Variants in PHLDB2 observed in about 807,000 individuals in gnomAD.
PHLDB2 encodes pleckstrin homology like domain family B member 2, also known as pleckstrin homology-like domain family B member 2.
A neutral mutation model predicts 123.6 loss-of-function variants in PHLDB2; 71 were observed. The observed-to-expected ratio is 0.57, with a 90% CI of 0.47 to 0.70. PHLDB2 has a LOEUF of 0.70. PHLDB2 is among the 30% of genes least tolerant of loss of function. PHLDB2 has a pLI of 0.00. For missense variants in PHLDB2, 1,446 were observed against 1,519.5 expected (o/e 0.95, Z 0.80); for synonymous variants, 547 against 541.6 (o/e 1.01, Z -0.14).
chr3:111,795,694 A>C (rs1052706278), intron 1 of PHLDB2, among the ~76,000 whole-genome samples: 14 of 152,062 alleles, frequency 9.2e-5, no homozygotes, highest in Non-Finnish European at 1.9e-4. Context: ...CAGTTTACCT[A>C]GTTTTCATAA....
intron 1 of PHLDB2, among the ~76,000 whole-genome samples, chr3:111,794,473 G>A (rs569260415): frequency 1.3e-5 from 2 of 152,156 alleles, no homozygotes; most frequent in Admixed American, 6.5e-5. Flanking sequence ...TCACTCACCT[G>A]ATTTTGGGGT....
chr3:111,958,668 C>T (rs1304338133), intron 12 of PHLDB2: 1 of 454,418 alleles, frequency 2.2e-6, no homozygotes, highest in Non-Finnish European at 4.4e-6. Context: ...TATAAACTAC[C>T]CCTTCAAACA....
At chr3:111,913,228 C>A in intron 2 of PHLDB2, 91 bp from the exon 3 acceptor site, 2 of 1,363,906 alleles carry the variant, frequency 1.5e-6, no homozygotes, top group Non-Finnish European at 1.0e-6. Context: ...GGAATGCAAG[C>A]ACCAGTTGTC....
Position 111,974,592 on chromosome 3 carries a change from C to A in PHLDB2, c.*29C>A. 6.4e-7 allele frequency: 1 copy of A among 1,573,446 alleles called. No homozygotes were observed. Among genetic ancestry groups the A allele is most frequent in the East Asian group, 2.3e-5 (1 of 43,562 alleles). ...ACTGAGGCAACAGTCCACTTCAGGG[C>A]AGACGGCAATAATCTCTTACAAGAA... On this transcript the variant is annotated 3_prime_UTR_variant, in exon 18 of 18. Transcript: ENST00000431670.
rs138784235 is a variant in PHLDB2, at chr3:111,760,957, C to T, written c.-49+28254C>T. 1.6e-3 allele frequency among the ~76,000 whole-genome samples: 241 copies of T among 151,956 alleles called. 1 individual carries two copies. The highest frequency in any genetic ancestry group is 5.5e-3 in the African/African-American group (230 of 41,470). Reference sequence around the variant, plus strand: ...ATCCCAGCACTATGGGAGGCCGAGGCGGGTGGATCACGAGGTCAGGTGATT... The same window carrying T: ...ATCCCAGCACTATGGGAGGCCGAGGTGGGTGGATCACGAGGTCAGGTGATT... On this transcript the variant is annotated intron_variant, in intron 1 of 17. Coordinates refer to the PHLDB2 transcript ENST00000393923.
Position 111,732,626 on chromosome 3 carries a change from T to G in PHLDB2, c.-126T>G, listed in dbSNP as rs568375105. On this transcript the variant is annotated 5_prime_UTR_variant, in exon 1 of 18. Transcript: ENST00000393923. ...ACATCCCACTCTCTTCAGCAATCGC[T>G]GGAACAGCCATGGGCCATCCCTGCT... 60 of 1,535,414 alleles carry G rather than the reference T, an allele frequency of 3.9e-5. 1 individual carries two copies. The South Asian group carries it at 6.8e-4, about 17-fold the overall frequency.
intron 2 of PHLDB2, among the ~76,000 whole-genome samples, chr3:111,895,500 TAGAA>T (rs1383351591): frequency 6.6e-6 from 1 of 152,196 alleles, no homozygotes; most frequent in Non-Finnish European, 1.5e-5. Context: ...ATAAAATTTG[TAGAA>T]AGAAATATAA....
chr3:111,953,394 C>T (rs1416968796), intron 11 of PHLDB2, among the ~76,000 whole-genome samples: 2 of 152,112 alleles, frequency 1.3e-5, no homozygotes, highest in Non-Finnish European at 2.9e-5. Context: ...ATCAGAGTAA[C>T]TTTGTTTTAA....
chr3:111,909,466 G>A (rs1445609286), intron 2 of PHLDB2, among the ~76,000 whole-genome samples: 2 of 152,114 alleles, frequency 1.3e-5, no homozygotes, highest in African/African-American at 4.8e-5. Context: ...GGGCAAGTTT[G>A]CATGCCTGGA....
chr3:111,966,795 G>C, intron 14 of PHLDB2, 92 bp downstream of exon 14: 1 of 887,014 alleles, frequency 1.1e-6, no homozygotes, highest in Non-Finnish European at 1.8e-6. Flanking sequence ...TTAAGGAGCC[G>C]TGTGTTCCTG....
In PHLDB2 at chr3:111,884,620, T is replaced by C; in HGVS notation, c.543T>C (p.Asn181=). Residue 181 remains asparagine, a synonymous_variant, in exon 2 of 18, where the codon AAT becomes AAC. Coordinates refer to ENST00000431670, the MANE Select transcript of PHLDB2 (RefSeq NM_001134438.2). ...CTGGCTCGCTCCTGGCCATGTGGAA[T>C]GGAAGTTCCCTGAGTGATGCTGGCC... ...KASGSLLAMW[N]GSSLSDAGPP... is the part of the protein sequence containing the mutation. 6.2e-7 allele frequency: 1 copy of C among 1,614,146 alleles called. No homozygotes were observed. Among genetic ancestry groups the C allele is most frequent in the Non-Finnish European group, 8.5e-7 (1 of 1,180,028 alleles).
At position 111,795,037 on chromosome 3, in the gene PHLDB2, T is replaced by C. The variant is rs185783898; in HGVS notation, c.-48-50784T>C. On this transcript the variant is annotated intron_variant, in intron 1 of 17. Coordinates refer to the PHLDB2 transcript ENST00000393923. ...TAAAATCGGGGGTATAGCTCAGTGG[T>C]TGAGCATTTGACTGCAAAATATTCT... Among the ~76,000 whole-genome samples the C allele has an allele frequency of 1.7e-3, 259 of 152,324 alleles. 1 individual carries two copies. Among genetic ancestry groups the C allele is most frequent in the Middle Eastern group, 3.4e-3 (1 of 294 alleles).
At chr3:111,962,607 T>G (rs1002958213) in intron 13 of PHLDB2, among the ~76,000 whole-genome samples, 1 of 152,194 alleles carries the variant, frequency 6.6e-6, no homozygotes, top group Non-Finnish European at 1.5e-5. Context: ...GTTGGTTAGC[T>G]CTAAGCTTCA....
At chr3:111,817,330 C>T (rs993956941) in intron 1 of PHLDB2, among the ~76,000 whole-genome samples, 3 of 152,158 alleles carry the variant, frequency 2.0e-5, no homozygotes, top group African/African-American at 7.2e-5. Flanking sequence ...ACCACAGCAA[C>T]ATCTTATGTT....
intron 1 of PHLDB2, among the ~76,000 whole-genome samples, chr3:111,734,248 G>C (rs542334724): frequency 6.6e-6 from 1 of 152,294 alleles, no homozygotes; most frequent in African/African-American, 2.4e-5. Context: ...AGTGATGGAG[G>C]TGGTTTTGAC....
At chr3:111,897,243 C>G (rs35475895) in intron 2 of PHLDB2, among the ~76,000 whole-genome samples, 1 of 152,128 alleles carries the variant, frequency 6.6e-6, no homozygotes, top group African/African-American at 2.4e-5. Flanking sequence ...CAGGTTGTTG[C>G]AGTCACTGGT....
At chr3:111,800,133 G>A (rs966569854) in intron 1 of PHLDB2, among the ~76,000 whole-genome samples, 9 of 152,112 alleles carry the variant, frequency 5.9e-5, no homozygotes, top group Non-Finnish European at 1.0e-4. Flanking sequence ...AACCTTCTGA[G>A]TAGCTAGGAC....
intron 2 of PHLDB2, among the ~76,000 whole-genome samples, chr3:111,852,064 A>G (rs2108609263): frequency 6.6e-6 from 1 of 151,904 alleles, no homozygotes; most frequent in Non-Finnish European, 1.5e-5. Flanking sequence ...TTTAGTATAT[A>G]TTACATTATC....
chr3:111,893,710 T>A (rs892160186), intron 2 of PHLDB2, among the ~76,000 whole-genome samples: 2 of 150,026 alleles, frequency 1.3e-5, no homozygotes, highest in Non-Finnish European at 3.0e-5. Flanking sequence ...CTCAGAAATA[T>A]GATGTGAGCC....
Sources: gnomAD v4.1 joint callset for allele counts (sites outside exome capture counted in the v4.1 genomes callset) on GRCh38, gnomAD v4.1.1 for gene constraint, MANE v1.5 for transcripts, NCBI Gene and HGNC (gene_info 2026-07-23, HGNC 2026-07-21) for gene names.